Variants in ADGRG7 observed in about 807,000 individuals in gnomAD.
The protein encoded by ADGRG7 is G-protein coupled receptor 128.
A neutral mutation model predicts 88.6 loss-of-function variants in ADGRG7; 82 were observed. The observed-to-expected ratio is 0.93, with a 90% CI of 0.77 to 1.11. The LOEUF (loss-of-function observed/expected upper bound fraction) is 1.11. Among genes scored for constraint, ADGRG7 ranks in the 50% most tolerant of loss-of-function variants. ADGRG7 has a pLI of 0.00. For missense variants in ADGRG7, 945 were observed against 953.4 expected, an observed-to-expected ratio of 0.99 and a Z score of 0.12; for synonymous variants, 381 against 345.2, an observed-to-expected ratio of 1.10 and a Z score of -1.15.
chr3:100,642,985 C>A (rs1490398953), intron 6 of ADGRG7, among the ~76,000 whole-genome samples: 2 of 152,204 alleles, frequency 1.3e-5, no homozygotes, highest in Non-Finnish European at 2.9e-5. Context: ...ATAATAAAGA[C>A]TATTTCTTTT....
intron 15 of ADGRG7, among the ~76,000 whole-genome samples, chr3:100,682,531 C>G (rs2094974913): frequency 6.6e-6 from 1 of 152,188 alleles, no homozygotes; most frequent in South Asian, 2.1e-4. Flanking sequence ...TCAAGGTGAC[C>G]GCCGAGCCTG....
At chr3:100,645,829 T>C (rs935563925) in intron 8 of ADGRG7, 116 bp from the exon 9 acceptor site, 1 of 898,654 alleles carries the variant, frequency 1.1e-6, no homozygotes, top group African/African-American at 1.7e-5. Context: ...TAAACCATTT[T>C]TACTGTACTT....
intron 1 of ADGRG7, 79 bp downstream of exon 1, chr3:100,610,050 C>A: frequency 1.7e-6 from 2 of 1,149,126 alleles, no homozygotes; most frequent in Non-Finnish European, 2.6e-6. Context: ...TGCACAAGTA[C>A]TGGGAGGTAC....
intron 1 of ADGRG7, among the ~76,000 whole-genome samples, chr3:100,616,227 A>G (rs893482756): frequency 2.0e-5 from 3 of 152,176 alleles, no homozygotes; most frequent in African/African-American, 7.2e-5. Context: ...AATAAATAAG[A>G]CAAAGATGAG....
intron 1 of ADGRG7, among the ~76,000 whole-genome samples, chr3:100,617,312 TGCACCCATTAACTC>T (rs1707239566): frequency 6.6e-6 from 1 of 152,136 alleles, no homozygotes; most frequent in African/African-American, 2.4e-5. Flanking sequence ...GTTGGTGTGC[TGCACCCATTAACTC>T]GTCACTTAAC....
At chr3:100,648,204 C>G (rs918288535) in intron 10 of ADGRG7, among the ~76,000 whole-genome samples, 1 of 152,112 alleles carries the variant, frequency 6.6e-6, no homozygotes, top group Non-Finnish European at 1.5e-5. Flanking sequence ...TGAGGTTAGG[C>G]TTTCAGCTAT....
At position 100,643,568 on chromosome 3, in the gene ADGRG7, C is replaced by T. The variant is rs1168547552; in HGVS notation, c.881C>T (p.Thr294Ile). Reference sequence around the variant, plus strand: ...GTTTCTAGTTCAACATTTATACATACAAATGTGGATGGCCTTAACCCAGAT... The same window carrying T: ...GTTTCTAGTTCAACATTTATACATATAAATGTGGATGGCCTTAACCCAGAT... ...SLVSSSTFIH[T>I]NVDGLNPDAQ... is the part of the protein sequence containing the mutation. Residue 294 changes from threonine (T) to isoleucine (I), a missense_variant, in exon 8 of 16, where the codon ACA becomes ATA. Physicochemically the swap from Thr to Ile is moderately conservative, Grantham distance 89 (BLOSUM62 -1). Transcript: ENST00000273352. The T allele has an allele frequency of 1.2e-6, 2 of 1,613,702 alleles. No individual in the cohort carries two copies. The highest frequency in any genetic ancestry group is 1.1e-5 in the South Asian group (1 of 91,046).
chr3:100,611,681 C>T (rs182920952), intron 1 of ADGRG7, among the ~76,000 whole-genome samples: 2 of 152,258 alleles, frequency 1.3e-5, no homozygotes, highest in Admixed American at 6.5e-5. Flanking sequence ...TTTCAATTGG[C>T]TGTTTATATA....
chr3:100,616,762 A>G (rs116060910), intron 1 of ADGRG7, among the ~76,000 whole-genome samples: 2 of 152,212 alleles, frequency 1.3e-5, no homozygotes, highest in South Asian at 4.1e-4. Context: ...TGGAGGCTAC[A>G]GTGAGCTATG....
chr3:100,667,756 T>A (rs2094953690), intron 14 of ADGRG7, among the ~76,000 whole-genome samples: 1 of 152,120 alleles, frequency 6.6e-6, no homozygotes, highest in Admixed American at 6.5e-5. Context: ...CACCACACTA[T>A]CTTTCACAAT....
At chr3:100,614,688 T>TA (rs1274013205) in intron 1 of ADGRG7, among the ~76,000 whole-genome samples, 8 of 152,286 alleles carry the variant, frequency 5.3e-5, no homozygotes, top group African/African-American at 1.9e-4. Flanking sequence ...TGAAATTTCT[T>TA]AGACTAAGGA....
intron 15 of ADGRG7, among the ~76,000 whole-genome samples, chr3:100,671,614 T>C (rs1403722489): frequency 7.2e-5 from 11 of 152,202 alleles, no homozygotes; most frequent in Non-Finnish European, 1.6e-4. Flanking sequence ...GGTGTTTTAG[T>C]CATGAAGTCT....
At chr3:100,684,715 A>G (rs2094979282) in intron 15 of ADGRG7, among the ~76,000 whole-genome samples, 1 of 151,964 alleles carries the variant, frequency 6.6e-6, no homozygotes, top group African/African-American at 2.4e-5. Context: ...ATTGTGTTAT[A>G]TAAATTATGT....
At chr3:100,675,236 C>T (rs1168311109) in intron 15 of ADGRG7, among the ~76,000 whole-genome samples, 2 of 152,172 alleles carry the variant, frequency 1.3e-5, no homozygotes, top group African/African-American at 4.8e-5. Context: ...GTGAGTCCGT[C>T]ATATACAGCT....
chr3:100,644,241 G>A (rs1707699906), intron 8 of ADGRG7, among the ~76,000 whole-genome samples: 1 of 151,090 alleles, frequency 6.6e-6, no homozygotes. Context: ...TTCTCCCCAA[G>A]CAAAAAAACC....
In ADGRG7 at chr3:100,659,752, G is replaced by T; in HGVS notation, c.1888G>T (p.Val630Leu). 8 of 1,613,792 alleles carry T rather than the reference G, an allele frequency of 5.0e-6. No individual in the cohort carries two copies. Among genetic ancestry groups the T allele is most frequent in the Non-Finnish European group, 5.9e-6 (7 of 1,179,880 alleles). Residue 630 changes from valine (V) to leucine (L), a missense_variant, in exon 14 of 16, where the codon GTA becomes TTA. Transcript: ENST00000273352. ...IKSPLLWSFI[V>L]PVTIILISNV... ...AAGTCCGCTGTTGTGGTCATTCATC[G>T]TACCTGTAACCATTATCCTCATCAG...
At chr3:100,629,900 A>G (rs1485908117) in intron 2 of ADGRG7, among the ~76,000 whole-genome samples, 189 bp downstream of exon 2, 2 of 152,172 alleles carry the variant, frequency 1.3e-5, no homozygotes, top group East Asian at 1.9e-4. Flanking sequence ...ATTTATCAGT[A>G]TATTCAATGC....
chr3:100,622,808 C>T lies in ADGRG7; in HGVS notation c.116-6790C>T, dbSNP rs141768250. On this transcript the variant is annotated intron_variant, in intron 1 of 15. Coordinates refer to ENST00000273352, the MANE Select transcript of ADGRG7 (RefSeq NM_032787.3). ...ATGGAGTCTCACTCTGTTGCCCAGGCTGGAGTGCAGTGGCATGATCTTGGC... is the reference window on the plus strand; with the variant it reads ...ATGGAGTCTCACTCTGTTGCCCAGGTTGGAGTGCAGTGGCATGATCTTGGC... 1.1e-3 allele frequency among the ~76,000 whole-genome samples: 165 copies of T among 152,078 alleles called. 1 individual carries two copies. The highest frequency in any genetic ancestry group is 3.4e-3 in the Middle Eastern group (1 of 294).
chr3:100,677,804 T>C lies in ADGRG7; in HGVS notation c.2136+8699T>C, dbSNP rs199712704. Among the ~76,000 whole-genome samples the C allele has an allele frequency of 3.9e-5, 6 of 152,252 alleles. No individual in the cohort carries two copies. In the East Asian group the frequency reaches 1.2e-3, roughly 29 times the overall value. Reference sequence around the variant, plus strand: ...AAGCTGCTGCCAGACAAATTGAAGCTCTGTTGTATATTATTTGTTTATTTT... The same window carrying C: ...AAGCTGCTGCCAGACAAATTGAAGCCCTGTTGTATATTATTTGTTTATTTT... On this transcript the variant is annotated intron_variant, in intron 15 of 15. Coordinates refer to ENST00000273352, the MANE Select transcript of ADGRG7 (RefSeq NM_032787.3).
Sources: allele counts gnomAD v4.1 joint callset (sites outside exome capture counted in the v4.1 genomes callset), GRCh38; gene constraint gnomAD v4.1.1; transcripts MANE v1.5; gene names NCBI Gene and HGNC (gene_info 2026-07-23, HGNC 2026-07-21).